Variants in EPS15L1 observed in about 807,000 individuals in gnomAD.
The protein encoded by EPS15L1 is epidermal growth factor receptor pathway substrate 15 like 1, also known as epidermal growth factor receptor substrate 15-like 1.
Under a neutral mutation model 117.1 loss-of-function variants are expected in EPS15L1, and 43 were observed. That is an observed-to-expected ratio of 0.37 (90% CI 0.29 to 0.47). EPS15L1 has a LOEUF of 0.47. Among genes scored for constraint, EPS15L1 ranks in the 20% least tolerant of loss-of-function variants. The pLI, the probability that EPS15L1 is intolerant of heterozygous loss-of-function variation, is 0.99. For missense variants in EPS15L1, 981 were observed against 1,164.0 expected (o/e 0.84, Z 2.29); for synonymous variants, 459 against 470.5 (o/e 0.98, Z 0.32).
Position 16,355,959 on chromosome 19 carries a change from A to G in EPS15L1, c.2587-108T>C, listed in dbSNP as rs1395854557. On this transcript the variant is annotated intron_variant, in intron 23 of 23. Coordinates refer to ENST00000455140, the MANE Select transcript of EPS15L1 (RefSeq NM_001258374.3). ...GGGGTCAGGGTCCTGCCCACCGCCC[A>G]GCGGAGGGTCCGATGTGCAGGGGAT... 5.9e-6 allele frequency: 8 copies of G among 1,349,986 alleles called. No homozygotes were observed. The Admixed American group carries it at 6.4e-5, about 11-fold the overall frequency. 83.6% of individuals were successfully genotyped at this position (1,349,986 alleles called of 1,614,324 possible). A position where few individuals can be genotyped will look rare whatever the true frequency, so the allele number is the denominator to read the frequency against.
In EPS15L1 at chr19:16,384,823, A is replaced by G. The variant is rs148873865; in HGVS notation, c.2247+306T>C. ...GGCCCTCTCGAGACGCCTGTGCCCA[A>G]CGCCTTCTCAAGTTTCTACTCGGCC... is the stretch of plus-strand genomic sequence containing the variant. On this transcript the variant is annotated intron_variant, in intron 21 of 23. Coordinates refer to ENST00000455140, the MANE Select transcript of EPS15L1 (RefSeq NM_001258374.3). 3.0e-4 allele frequency among the ~76,000 whole-genome samples: 45 copies of G among 152,206 alleles called. No individual in the cohort carries two copies. The East Asian group carries it at 7.9e-3, about 27-fold the overall frequency.
intron 22 of EPS15L1, among the ~76,000 whole-genome samples, chr19:16,375,783 C>CA (rs2092287927): frequency 6.6e-6 from 1 of 152,238 alleles, no homozygotes; most frequent in African/African-American, 2.4e-5. Context: ...CTGACTCATC[C>CA]ACAAGAAAGC....
intron 21 of EPS15L1, among the ~76,000 whole-genome samples, chr19:16,377,828 C>T (rs1263901472): frequency 4.6e-5 from 7 of 152,182 alleles, no homozygotes; most frequent in South Asian, 2.1e-4. Context: ...CTCACATGCC[C>T]GGCCACCCGC....
chr19:16,421,574 C>A (rs921337723), intron 9 of EPS15L1, 98 bp from the exon 10 acceptor site: 6 of 1,279,176 alleles, frequency 4.7e-6, no homozygotes, highest in South Asian at 1.4e-5. Context: ...CTTCCATGCA[C>A]ATTTGGCATC....
At chr19:16,428,638 AGCAACCCCTGC>A (rs1243508769) in intron 8 of EPS15L1, 53 bp downstream of exon 8, 11 of 1,199,520 alleles carry the variant, frequency 9.2e-6, no homozygotes, top group Non-Finnish European at 9.7e-6. Context: ...AAACGAATCC[AGCAACCCCTGC>A]GCACTGCACA....
At chr19:16,420,744 T>C (rs536400462) in intron 10 of EPS15L1, among the ~76,000 whole-genome samples, 1 of 152,150 alleles carries the variant, frequency 6.6e-6, no homozygotes, top group Admixed American at 6.5e-5. Context: ...CCCTGGCCAG[T>C]GGCAAGAGGA....
intron 8 of EPS15L1, among the ~76,000 whole-genome samples, chr19:16,426,142 C>T (rs1169712646): frequency 4.6e-5 from 7 of 152,174 alleles, no homozygotes; most frequent in Non-Finnish European, 1.0e-4. Flanking sequence ...CCCACCTTGA[C>T]CCAGTGATGA....
chr19:16,447,093 A>G (rs1334818511), intron 1 of EPS15L1, among the ~76,000 whole-genome samples: 2 of 152,148 alleles, frequency 1.3e-5, no homozygotes, highest in Admixed American at 6.6e-5. Flanking sequence ...CCATCACCCA[A>G]TGTGAGCCCA....
chr19:16,453,573 C>T (rs1223877756), intron 1 of EPS15L1, among the ~76,000 whole-genome samples: 4 of 151,992 alleles, frequency 2.6e-5, no homozygotes, highest in African/African-American at 9.7e-5. Context: ...ATTAGCCCAG[C>T]GTGGTGGCAG....
intron 9 of EPS15L1, among the ~76,000 whole-genome samples, chr19:16,421,912 C>A (rs939830238): frequency 2.6e-5 from 4 of 152,206 alleles, no homozygotes; most frequent in Admixed American, 6.5e-5. Flanking sequence ...AAAGGCTGCC[C>A]TACAGGCAGC....
At chr19:16,376,400 C>A (rs924025707) in intron 22 of EPS15L1, among the ~76,000 whole-genome samples, 3 of 152,204 alleles carry the variant, frequency 2.0e-5, no homozygotes, top group African/African-American at 7.2e-5. Flanking sequence ...AGAAATCCCA[C>A]GTGTGAGTTA....
chr19:16,391,909 C>T (rs910503984), intron 19 of EPS15L1, among the ~76,000 whole-genome samples: 1 of 152,032 alleles, frequency 6.6e-6, no homozygotes, highest in African/African-American at 2.4e-5. Context: ...TGCAGGGTGG[C>T]CGGGTCCATG....
intron 4 of EPS15L1, among the ~76,000 whole-genome samples, chr19:16,439,077 T>G (rs1005818954): frequency 2.0e-5 from 3 of 151,524 alleles, no homozygotes; most frequent in African/African-American, 4.8e-5. Flanking sequence ...TTTTTCTGTT[T>G]TTTTTTTTTT....
Position 16,393,966 on chromosome 19 carries a change from G to A in EPS15L1, c.1951C>T (p.Gln651Ter). ...TGAATTTTACCTGTTGAAGTTGTCT[G>A]CTGTTCTGCAAAGGGGTCATTCTGG... ...PFQNDPFAEQ[Q>*]TTSTDPFGGD... The change falls in exon 18 of 24, where the codon CAG becomes TAG. Residue 651 changes from glutamine to a stop codon, truncating the protein, a stop_gained. Coordinates refer to ENST00000455140, the MANE Select transcript of EPS15L1 (RefSeq NM_001258374.3). LOFTEE classifies it high-confidence loss of function. 1 of 1,614,068 alleles carries A rather than the reference G, an allele frequency of 6.2e-7. No homozygotes were observed. Among genetic ancestry groups the A allele is most frequent in the Non-Finnish European group, 8.5e-7 (1 of 1,179,944 alleles).
At chr19:16,361,528 C>T (rs2092050975) in intron 23 of EPS15L1, 13 of 1,177,176 alleles carry the variant, frequency 1.1e-5, no homozygotes, top group Non-Finnish European at 1.3e-5. Flanking sequence ...ACAGATAGGT[C>T]CCGCCTCCCT....
In EPS15L1 at chr19:16,376,988, G is replaced by A. The variant is rs964171263; in HGVS notation, c.2380+134C>T. 3.5e-5 allele frequency: 40 copies of A among 1,149,366 alleles called. No individual in the cohort carries two copies. In the Admixed American group the frequency reaches 4.1e-4, roughly 12 times the overall value. The allele number at this position is 1,149,366 out of a possible 1,614,324, so 71.2% of individuals were successfully genotyped here. On this transcript the variant is annotated intron_variant, in intron 22 of 23. Coordinates refer to ENST00000455140, the MANE Select transcript of EPS15L1 (RefSeq NM_001258374.3). ...TTGCGTGGACCTGGGCAGCTGGGCCGGGGGGACCCTCTTGCTCCCCACACA... is the reference window on the plus strand; with the variant it reads ...TTGCGTGGACCTGGGCAGCTGGGCCAGGGGGACCCTCTTGCTCCCCACACA...
intron 1 of EPS15L1, among the ~76,000 whole-genome samples, chr19:16,455,258 T>C (rs750364259): frequency 6.6e-6 from 1 of 152,160 alleles, no homozygotes; most frequent in African/African-American, 2.4e-5. Context: ...ATTGGGACCA[T>C]AGCCATGCAC....
intron 23 of EPS15L1, chr19:16,361,501 T>C (rs562179046): frequency 2.3e-4 from 220 of 949,912 alleles, no homozygotes; most frequent in Middle Eastern, 1.8e-3. Context: ...AATAATACAA[T>C]GAATCTACCG....
At chr19:16,426,734 CA>C (rs1263341732) in intron 8 of EPS15L1, among the ~76,000 whole-genome samples, 2 of 152,138 alleles carry the variant, frequency 1.3e-5, no homozygotes, top group East Asian at 3.9e-4. Flanking sequence ...AAACGAAAGA[CA>C]AAAGACAACA....
Sources: gnomAD v4.1 joint callset for allele counts (sites outside exome capture counted in the v4.1 genomes callset) on GRCh38, gnomAD v4.1.1 for gene constraint, MANE v1.5 for transcripts, NCBI Gene and HGNC (gene_info 2026-07-23, HGNC 2026-07-21) for gene names.